Variants in SCAPER observed in about 807,000 individuals in gnomAD.
SCAPER encodes the protein S phase cyclin A-associated protein in the endoplasmic reticulum.
In SCAPER, 98 loss-of-function variants were observed where a neutral mutation model predicts 182.2. That is an observed-to-expected ratio of 0.54 (90% CI 0.46 to 0.64). The LOEUF (loss-of-function observed/expected upper bound fraction) is 0.64. Ranked by LOEUF, SCAPER falls within the 30% of genes least tolerant of loss-of-function variation. The probability of loss-of-function intolerance (pLI) is 0.00; values close to 1 mark genes in which losing one functional copy is unlikely to be tolerated. For missense variants in SCAPER, 1,432 were observed against 1,690.0 expected (o/e 0.85, Z 2.68); for synonymous variants, 605 against 564.6 (o/e 1.07, Z -1.01).
intron 2 of SCAPER, among the ~76,000 whole-genome samples, chr15:76,875,918 G>A (rs919303469): frequency 4.6e-5 from 7 of 152,134 alleles, no homozygotes; most frequent in African/African-American, 1.2e-4. Context: ...AGGACCCCAC[G>A]GTGGGGGGCG....
At chr15:76,353,270 T>C (rs1041615607) in intron 30 of SCAPER, among the ~76,000 whole-genome samples, 10 of 152,214 alleles carry the variant, frequency 6.6e-5, no homozygotes, top group Admixed American at 2.6e-4. Context: ...TGGTGGAACA[T>C]GTGAAAGAAA....
At chr15:76,419,835 A>G (rs1359276781) in intron 26 of SCAPER, among the ~76,000 whole-genome samples, 4 of 152,250 alleles carry the variant, frequency 2.6e-5, no homozygotes, top group Admixed American at 6.5e-5. Flanking sequence ...AACATGTAAC[A>G]AAAGAAAATT....
chr15:76,543,257 T>C (rs1003362443), intron 23 of SCAPER, among the ~76,000 whole-genome samples: 3 of 152,258 alleles, frequency 2.0e-5, no homozygotes, highest in East Asian at 1.9e-4. Flanking sequence ...TATCCTAATA[T>C]GTATGCTTAT....
intron 15 of SCAPER, chr15:76,736,519 T>C (rs2061275643): frequency 6.6e-6 from 1 of 152,298 alleles, no homozygotes; most frequent in Non-Finnish European, 1.5e-5. Context: ...TACTGCTTTA[T>C]CAATTAATTT....
rs569786460 is a variant in SCAPER at position 76,759,506 on chromosome 15, A to G, written c.1725+5455T>C. On this transcript the variant is annotated intron_variant, in intron 14 of 31. Coordinates refer to ENST00000563290, the MANE Select transcript of SCAPER (RefSeq NM_020843.4). Reference sequence around the variant, plus strand: ...CAATCCATTCATAAGAGCAGAGGCAATATAACCTAATCTCCTCCTAAAGAA... The same window carrying G: ...CAATCCATTCATAAGAGCAGAGGCAGTATAACCTAATCTCCTCCTAAAGAA... 5.3e-5 allele frequency among the ~76,000 whole-genome samples: 8 copies of G among 152,306 alleles called. No individual in the cohort carries two copies. The South Asian group carries it at 1.5e-3, about 28-fold the overall frequency.
intron 8 of SCAPER, among the ~76,000 whole-genome samples, chr15:76,776,539 T>TGAGGCAGAAAAAGTAGTGG (rs541600149): frequency 2.0e-5 from 3 of 152,140 alleles, no homozygotes; most frequent in Admixed American, 6.5e-5. Flanking sequence ...CCAGCATCAA[T>TGAGGCAGAAAAAGTAGTGG]GAGGCAGAAA....
At chr15:76,689,609 G>A (rs1481059823) in intron 20 of SCAPER, among the ~76,000 whole-genome samples, 4 of 151,872 alleles carry the variant, frequency 2.6e-5, no homozygotes, top group Non-Finnish European at 5.9e-5. Context: ...CTAAACCTGA[G>A]GGCCTAGAAG....
At chr15:76,762,108 G>A (rs1175824831) in intron 14 of SCAPER, among the ~76,000 whole-genome samples, 2 of 151,990 alleles carry the variant, frequency 1.3e-5, no homozygotes, top group African/African-American at 4.8e-5. Flanking sequence ...CTCTCTTTTG[G>A]TTACAATTTA....
In SCAPER at chr15:76,739,495, A is replaced by G. The variant is rs1008229670; in HGVS notation, c.1867-6111T>C. 2.0e-5 allele frequency among the ~76,000 whole-genome samples: 3 copies of G among 152,326 alleles called. No homozygotes were observed. In the East Asian group the frequency reaches 5.8e-4, roughly 29 times the overall value. On this transcript the variant is annotated intron_variant, in intron 15 of 31. Coordinates refer to ENST00000563290, the MANE Select transcript of SCAPER (RefSeq NM_020843.4). ...TGAACACAAGCACTGTGATACCATG[A>G]CACTCCACCTGATAACCAAGATGGC...
chr15:76,385,797 A>T (rs1279165312), intron 27 of SCAPER, among the ~76,000 whole-genome samples: 2 of 152,204 alleles, frequency 1.3e-5, no homozygotes, highest in African/African-American at 4.8e-5. Context: ...GTGCAAGGTT[A>T]AGGAAGACCA....
intron 22 of SCAPER, among the ~76,000 whole-genome samples, chr15:76,609,007 G>A (rs900046161): frequency 1.2e-4 from 18 of 152,236 alleles, no homozygotes; most frequent in East Asian, 5.8e-4. Flanking sequence ...TTCGGCTCGC[G>A]CACAGTGCGC....
At chr15:76,807,380 C>T (rs2066244434) in intron 5 of SCAPER, among the ~76,000 whole-genome samples, 1 of 152,114 alleles carries the variant, frequency 6.6e-6, no homozygotes, top group South Asian at 2.1e-4. Flanking sequence ...ACCACTCTTA[C>T]CTTCCTGGAC....
intron 22 of SCAPER, among the ~76,000 whole-genome samples, chr15:76,575,836 G>A (rs1280303740): frequency 2.0e-5 from 3 of 152,188 alleles, no homozygotes; most frequent in Non-Finnish European, 1.5e-5. Flanking sequence ...CTTTACAAGG[G>A]AATTTCCTGA....
intron 5 of SCAPER, among the ~76,000 whole-genome samples, chr15:76,826,607 G>A (rs1436149976): frequency 2.0e-5 from 3 of 149,756 alleles, no homozygotes; most frequent in African/African-American, 7.4e-5. Flanking sequence ...AATAAAAAGT[G>A]CAAATAACCC....
intron 7 of SCAPER, among the ~76,000 whole-genome samples, chr15:76,798,675 A>C (rs974844898): frequency 3.3e-5 from 5 of 152,198 alleles, no homozygotes; most frequent in Admixed American, 2.0e-4. Context: ...GAAGTGATGG[A>C]TCACATTCAA....
At chr15:76,718,437 C>T (rs1185752530) in intron 17 of SCAPER, among the ~76,000 whole-genome samples, 1 of 151,820 alleles carries the variant, frequency 6.6e-6, no homozygotes, top group East Asian at 1.9e-4. Flanking sequence ...GCCTGTAATC[C>T]CAGCACTTTG....
intron 23 of SCAPER, among the ~76,000 whole-genome samples, chr15:76,550,406 C>T (rs983661540): frequency 6.6e-6 from 1 of 152,182 alleles, no homozygotes; most frequent in Middle Eastern, 3.2e-3. Flanking sequence ...CATGTGTTCT[C>T]ACTGCTCAGC....
chr15:76,388,597 G>A (rs2043442470), intron 27 of SCAPER, among the ~76,000 whole-genome samples: 1 of 152,222 alleles, frequency 6.6e-6, no homozygotes, highest in Admixed American at 6.5e-5. Flanking sequence ...AGCTGGGCAT[G>A]AGCCTGGATG....
chr15:76,783,786 CG>C (rs1193937325), intron 8 of SCAPER, among the ~76,000 whole-genome samples: 1 of 152,034 alleles, frequency 6.6e-6, no homozygotes, highest in Non-Finnish European at 1.5e-5. Context: ...AGACAAAAAC[CG>C]CAATTATCTC....
Sources: gnomAD v4.1 joint callset for allele counts (sites outside exome capture counted in the v4.1 genomes callset) on GRCh38, gnomAD v4.1.1 for gene constraint, MANE v1.5 for transcripts, NCBI Gene and HGNC (gene_info 2026-07-23, HGNC 2026-07-21) for gene names.